GABRB3: variants seen among roughly 807,000 people sequenced by gnomAD.
The protein encoded by GABRB3 is gamma-aminobutyric acid type A receptor subunit beta3.
A neutral mutation model predicts 52.1 loss-of-function variants in GABRB3; 14 were observed. The ratio of observed to expected loss-of-function variants is 0.27; its 90% CI spans 0.18 to 0.42. The LOEUF is 0.42. Ranked by LOEUF, GABRB3 falls within the 10% of genes least tolerant of loss-of-function variation. The probability of loss-of-function intolerance (pLI) is 1.00; values close to 1 mark genes in which losing one functional copy is unlikely to be tolerated. For missense variants in GABRB3, 307 were observed against 609.1 expected, an observed-to-expected ratio of 0.50 and a Z score of 5.22; for synonymous variants, 260 against 232.3, an observed-to-expected ratio of 1.12 and a Z score of -1.08.
chr15:26,635,224 T>A (rs1326455492), intron 3 of GABRB3, among the ~76,000 whole-genome samples: 2 of 150,084 alleles, frequency 1.3e-5, no homozygotes, highest in Non-Finnish European at 3.0e-5. Context: ...CACCCTCATC[T>A]CCATATTTCA....
At chr15:26,719,794 A>C (rs533878997) in intron 3 of GABRB3, among the ~76,000 whole-genome samples, 88 of 152,318 alleles carry the variant, frequency 5.8e-4, no homozygotes, top group Middle Eastern at 3.4e-3. Context: ...GATGAGAAAC[A>C]GTTAAATCCA....
chr15:26,732,213 G>A (rs567127444), intron 3 of GABRB3, among the ~76,000 whole-genome samples: 11 of 151,876 alleles, frequency 7.2e-5, no homozygotes, highest in African/African-American at 2.4e-4. Flanking sequence ...TGGATGGATG[G>A]ATGAATGGAT....
intron 8 of GABRB3, among the ~76,000 whole-genome samples, chr15:26,548,506 A>C (rs1267381183): frequency 6.6e-6 from 1 of 152,160 alleles, no homozygotes; most frequent in East Asian, 1.9e-4. Context: ...AATAAAAACT[A>C]TATTCTCCCA....
At chr15:26,753,274 C>T (rs1459312104) in intron 3 of GABRB3, among the ~76,000 whole-genome samples, 7 of 152,158 alleles carry the variant, frequency 4.6e-5, no homozygotes, top group Admixed American at 3.3e-4. Flanking sequence ...GTGAGGGCTA[C>T]CTACGCTGGG....
At position 26,635,630 on chromosome 15, in the gene GABRB3, G is replaced by GT. The variant is rs765489355; in HGVS notation, c.241-14097dup. Among the ~76,000 whole-genome samples the GT allele has an allele frequency of 1.2e-3, 188 of 152,244 alleles. 2 individuals carry two copies. The highest frequency in any genetic ancestry group is 8.5e-4 in the Admixed American group (13 of 15,300). ...CGTACCAGTCAACCTTTCTTAATGG[G>GT]TTTTTTACTCCCTTTCATTTACAGA... On this transcript the variant is annotated intron_variant, in intron 3 of 8. Coordinates refer to ENST00000311550, the MANE Select transcript of GABRB3 (RefSeq NM_000814.6).
At chr15:26,602,288 A>C (rs986297452) in intron 4 of GABRB3, among the ~76,000 whole-genome samples, 1 of 152,188 alleles carries the variant, frequency 6.6e-6, no homozygotes, top group Non-Finnish European at 1.5e-5. Flanking sequence ...AAAGAGAGAG[A>C]TAGGCGTCCT....
chr15:26,578,332 T>C (rs1021348243), intron 6 of GABRB3, among the ~76,000 whole-genome samples: 6 of 152,214 alleles, frequency 3.9e-5, no homozygotes, highest in Non-Finnish European at 8.8e-5. Flanking sequence ...TGTGGAGCTC[T>C]TGCGCTACAC....
intron 3 of GABRB3, among the ~76,000 whole-genome samples, chr15:26,762,322 G>C (rs1890843458): frequency 6.6e-6 from 1 of 152,102 alleles, no homozygotes; most frequent in African/African-American, 2.4e-5. Flanking sequence ...TAAACCAGTA[G>C]ATTATTTGTC....
chr15:26,597,325 A>G (rs1326354052), intron 4 of GABRB3, among the ~76,000 whole-genome samples: 1 of 152,210 alleles, frequency 6.6e-6, no homozygotes, highest in Non-Finnish European at 1.5e-5. Flanking sequence ...GTTAAATGAC[A>G]AAGAGGGAAC....
intron 4 of GABRB3, among the ~76,000 whole-genome samples, chr15:26,586,775 T>C (rs1254104425): frequency 6.6e-6 from 1 of 151,112 alleles, no homozygotes; most frequent in Non-Finnish European, 1.5e-5. Context: ...GAGAACATTA[T>C]GCTAAGTGAA....
intron 4 of GABRB3, among the ~76,000 whole-genome samples, chr15:26,586,255 C>T (rs778436335): frequency 2.8e-4 from 42 of 152,056 alleles, no homozygotes; most frequent in Non-Finnish European, 5.3e-4. Flanking sequence ...CCTTGGTCTC[C>T]TAAAGTGCTG....
At chr15:26,565,414 C>T (rs145619185) in intron 7 of GABRB3, among the ~76,000 whole-genome samples, 35 of 152,184 alleles carry the variant, frequency 2.3e-4, no homozygotes, top group African/African-American at 5.5e-4. Flanking sequence ...TCGGGGTCAC[C>T]CTAACTCTAG....
intron 6 of GABRB3, chr15:26,569,204 T>C (rs1174647499): frequency 2.6e-5 from 4 of 152,258 alleles, no homozygotes; most frequent in African/African-American, 9.6e-5. Context: ...GTATGACTAC[T>C]ACCATTATGC....
intron 3 of GABRB3, among the ~76,000 whole-genome samples, chr15:26,719,235 A>G (rs1889581353): frequency 6.6e-6 from 1 of 152,246 alleles, no homozygotes; most frequent in Non-Finnish European, 1.5e-5. Flanking sequence ...TGTTTGCTCC[A>G]CAAATGTGGG....
At chr15:26,551,195 T>C (rs978649314) in intron 8 of GABRB3, among the ~76,000 whole-genome samples, 4 of 152,192 alleles carry the variant, frequency 2.6e-5, no homozygotes, top group Admixed American at 1.3e-4. Flanking sequence ...TTGTATGTCA[T>C]GTGAAAGAAT....
At chr15:26,722,194 G>A (rs1595551707) in intron 3 of GABRB3, among the ~76,000 whole-genome samples, 2 of 152,158 alleles carry the variant, frequency 1.3e-5, no homozygotes, top group African/African-American at 4.8e-5. Context: ...AACCCGGAGA[G>A]CTTCAGTTGG....
At chr15:26,705,360 C>T (rs1889065641) in intron 3 of GABRB3, among the ~76,000 whole-genome samples, 1 of 152,172 alleles carries the variant, frequency 6.6e-6, no homozygotes, top group South Asian at 2.1e-4. Flanking sequence ...CACATTGGCA[C>T]ACCTGAATTT....
intron 4 of GABRB3, among the ~76,000 whole-genome samples, chr15:26,597,769 A>T (rs1415473901): frequency 2.0e-5 from 3 of 152,262 alleles, no homozygotes; most frequent in Non-Finnish European, 4.4e-5. Context: ...ATATTTTCCA[A>T]GTCAGAGTAT....
intron 3 of GABRB3, among the ~76,000 whole-genome samples, chr15:26,732,548 T>C (rs905476387): frequency 3.3e-5 from 5 of 149,742 alleles, no homozygotes; most frequent in Non-Finnish European, 5.9e-5. Flanking sequence ...AGCAACATAG[T>C]GAGACCCCTT....
Sources: gnomAD v4.1 joint callset for allele counts (sites outside exome capture counted in the v4.1 genomes callset) on GRCh38, gnomAD v4.1.1 for gene constraint, MANE v1.5 for transcripts, NCBI Gene and HGNC (gene_info 2026-07-23, HGNC 2026-07-21) for gene names.